DPP10: variants seen among roughly 807,000 people sequenced by gnomAD.
DPP10 encodes the protein dipeptidyl peptidase like 10.
DPP10 carries 33 observed loss-of-function variants against 120.9 expected under a neutral mutation model. The ratio of observed to expected loss-of-function variants is 0.27; its 90% CI spans 0.21 to 0.37. The LOEUF is 0.37. Ranked by LOEUF, DPP10 falls within the 10% of genes least tolerant of loss-of-function variation. The pLI, the probability that DPP10 is intolerant of heterozygous loss-of-function variation, is 1.00. For missense variants in DPP10, 816 were observed against 942.8 expected (o/e 0.87, Z 1.76); for synonymous variants, 337 against 326.1 (o/e 1.03, Z -0.36).
intron 1 of DPP10, among the ~76,000 whole-genome samples, chr2:115,097,279 T>G (rs2104595857): frequency 6.6e-6 from 1 of 152,308 alleles, no homozygotes; most frequent in East Asian, 1.9e-4. Context: ...TTAAAAATTG[T>G]GTCTCTGATT....
intron 1 of DPP10, among the ~76,000 whole-genome samples, chr2:115,165,478 T>A (rs1335728658): frequency 6.6e-6 from 1 of 152,238 alleles, no homozygotes; most frequent in South Asian, 2.1e-4. Context: ...ATGAATAATT[T>A]GTTTAAAGCT....
At chr2:114,790,659 G>T (rs925098705) in intron 1 of DPP10, among the ~76,000 whole-genome samples, 1 of 151,970 alleles carries the variant, frequency 6.6e-6, no homozygotes, top group Non-Finnish European at 1.5e-5. Context: ...GTTCTCTGGC[G>T]GGCAGGAGTG....
In DPP10 at chr2:114,639,929, T is replaced by A. The variant is rs923877870; in HGVS notation, c.60+197091T>A. ...GGAATTAAAATCTTGCTGAAGTTTC[T>A]GTGATTCCATCTAAGATACTAGATT... is the stretch of plus-strand genomic sequence containing the variant. On this transcript the variant is annotated intron_variant, in intron 1 of 25. Transcript: ENST00000410059. 2.6e-5 allele frequency among the ~76,000 whole-genome samples: 4 copies of A among 151,950 alleles called. No individual in the cohort carries two copies. In the East Asian group the frequency reaches 7.7e-4, roughly 29 times the overall value.
At chr2:114,944,146 T>G (rs189803291) in intron 1 of DPP10, among the ~76,000 whole-genome samples, 1 of 152,318 alleles carries the variant, frequency 6.6e-6, no homozygotes. Flanking sequence ...AACATATTCT[T>G]GAACCAAGAC....
intron 1 of DPP10, among the ~76,000 whole-genome samples, chr2:115,207,781 A>G (rs1219334967): frequency 6.6e-6 from 1 of 152,042 alleles, no homozygotes; most frequent in Non-Finnish European, 1.5e-5. Flanking sequence ...AATCCTTTGG[A>G]GGATTCTTTT....
chr2:114,739,367 A>G (rs959661937), intron 1 of DPP10, among the ~76,000 whole-genome samples: 1 of 152,196 alleles, frequency 6.6e-6, no homozygotes, highest in African/African-American at 2.4e-5. Flanking sequence ...TTTCTGATGT[A>G]GAATCTATGT....
At chr2:115,291,788 T>A (rs2060666830) in intron 1 of DPP10, among the ~76,000 whole-genome samples, 1 of 152,142 alleles carries the variant, frequency 6.6e-6, no homozygotes. Context: ...CTCATTACTT[T>A]TGAACACATT....
At chr2:114,718,186 C>T (rs1390482776) in intron 1 of DPP10, among the ~76,000 whole-genome samples, 1 of 151,656 alleles carries the variant, frequency 6.6e-6, no homozygotes, top group African/African-American at 2.4e-5. Flanking sequence ...CTTTTGATTT[C>T]CCTTTGTCAT....
intron 1 of DPP10, among the ~76,000 whole-genome samples, chr2:115,233,531 A>G (rs766648943): frequency 6.6e-6 from 1 of 152,050 alleles, no homozygotes; most frequent in Non-Finnish European, 1.5e-5. Flanking sequence ...TTCTTTTCCC[A>G]TCGCCTTCAT....
At chr2:114,849,745 A>G (rs568939543) in intron 1 of DPP10, among the ~76,000 whole-genome samples, 1 of 152,272 alleles carries the variant, frequency 6.6e-6, no homozygotes, top group Non-Finnish European at 1.5e-5. Context: ...AACACAGGTA[A>G]ATACTATTTC....
intron 1 of DPP10, among the ~76,000 whole-genome samples, chr2:115,243,143 A>G (rs2058367195): frequency 6.6e-6 from 1 of 152,204 alleles, no homozygotes; most frequent in African/African-American, 2.4e-5. Context: ...ACCACTGCAT[A>G]ACATGGAATA....
chr2:115,569,142 G>C (rs2149082668), intron 5 of DPP10, among the ~76,000 whole-genome samples: 1 of 152,260 alleles, frequency 6.6e-6, no homozygotes, highest in East Asian at 1.9e-4. Flanking sequence ...CCACGTTACA[G>C]AGAGATAAAT....
chr2:115,124,940 A>G (rs977996497), intron 1 of DPP10, among the ~76,000 whole-genome samples: 9 of 152,230 alleles, frequency 5.9e-5, no homozygotes, highest in Non-Finnish European at 1.3e-4. Flanking sequence ...GAGGACAGCC[A>G]GGGACACCTT....
intron 1 of DPP10, among the ~76,000 whole-genome samples, chr2:114,616,677 C>T (rs1214823664): frequency 6.6e-6 from 1 of 152,012 alleles, no homozygotes; most frequent in Non-Finnish European, 1.5e-5. Flanking sequence ...TAAACTCAAA[C>T]AAAATTATTG....
At chr2:115,275,145 AG>A (rs1370473063) in intron 1 of DPP10, among the ~76,000 whole-genome samples, 1 of 152,226 alleles carries the variant, frequency 6.6e-6, no homozygotes, top group Non-Finnish European at 1.5e-5. Flanking sequence ...CATTTCATGC[AG>A]GGCATTTCAC....
Position 114,907,413 on chromosome 2 carries a change from C to G in DPP10, c.61-401826C>G, listed in dbSNP as rs142047264. Among the ~76,000 whole-genome samples, 5 of 151,994 alleles carry G rather than the reference C, an allele frequency of 3.3e-5. No individual in the cohort carries two copies. In the East Asian group the frequency reaches 9.7e-4, roughly 29 times the overall value. ...AACGCTATTTAGTTGGGATCTTTCT[C>G]TTTTTTAAATATAGAATTTACAGCT... On this transcript the variant is annotated intron_variant, in intron 1 of 25. Coordinates refer to ENST00000410059, the MANE Select transcript of DPP10 (RefSeq NM_020868.6).
intron 1 of DPP10, among the ~76,000 whole-genome samples, chr2:115,120,308 C>A (rs1459772954): frequency 1.3e-5 from 2 of 152,064 alleles, no homozygotes; most frequent in Admixed American, 6.6e-5. Context: ...GGATGGAATG[C>A]CTCTGGATTG....
chr2:115,689,985 G>T, intron 7 of DPP10, 64 bp downstream of exon 7: 1 of 1,497,536 alleles, frequency 6.7e-7, no homozygotes, highest in Non-Finnish European at 9.1e-7. Context: ...GATGTTAACT[G>T]AAACTTTGGA....
intron 1 of DPP10, among the ~76,000 whole-genome samples, chr2:115,299,009 A>G (rs1399441423): frequency 2.6e-5 from 4 of 152,082 alleles, no homozygotes; most frequent in Non-Finnish European, 5.9e-5. Flanking sequence ...TTTAAGAAGC[A>G]GTAGGCACTC....
Sources: gnomAD v4.1 joint callset for allele counts (sites outside exome capture counted in the v4.1 genomes callset) on GRCh38, gnomAD v4.1.1 for gene constraint, MANE v1.5 for transcripts, NCBI Gene and HGNC (gene_info 2026-07-23, HGNC 2026-07-21) for gene names.